Variants in GDPD1 observed in about 807,000 individuals in gnomAD.
The protein encoded by GDPD1 is lysophospholipase D GDPD1.
A neutral mutation model predicts 45.1 loss-of-function variants in GDPD1; 28 were observed. The ratio of observed to expected loss-of-function variants is 0.62; its 90% confidence interval spans 0.46 to 0.85. The LOEUF (loss-of-function observed/expected upper bound fraction) is 0.85, where lower values mean the gene tolerates loss of function less well. GDPD1 is among the 40% of genes least tolerant of loss of function. The probability of loss-of-function intolerance (pLI) is 0.00; values close to 1 mark genes in which losing one functional copy is unlikely to be tolerated. For missense variants in GDPD1, 256 were observed against 364.8 expected (o/e 0.70, Z 2.43); for synonymous variants, 139 against 131.4 (o/e 1.06, Z -0.40).
chr17:59,242,246 A>G (rs539222824), intron 2 of GDPD1, among the ~76,000 whole-genome samples: 2 of 152,172 alleles, frequency 1.3e-5, no homozygotes, highest in Non-Finnish European at 2.9e-5. Flanking sequence ...TATTTTTAGT[A>G]GAGACAGGGT....
intron 1 of GDPD1, among the ~76,000 whole-genome samples, chr17:59,228,717 T>TA (rs879663634): frequency 1.6e-3 from 227 of 140,868 alleles, no homozygotes; most frequent in Middle Eastern, 3.6e-3. Context: ...ACCCTGTCTC[T>TA]AAAAAAAAAA....
At chr17:59,255,705 C>T (rs1260005695) in intron 4 of GDPD1, among the ~76,000 whole-genome samples, 15 of 128,944 alleles carry the variant, frequency 1.2e-4, no homozygotes, top group Non-Finnish European at 2.2e-4. Context: ...ATCGCACTAT[C>T]GCACTCCAGC....
chr17:59,221,785 T>C (rs1188947101), intron 1 of GDPD1, among the ~76,000 whole-genome samples: 1 of 152,214 alleles, frequency 6.6e-6, no homozygotes, highest in Non-Finnish European at 1.5e-5. Flanking sequence ...TTGCTTGAAA[T>C]TTAATACACA....
In GDPD1 at chr17:59,220,593, C is replaced by G; in HGVS notation, c.-17C>G. On this transcript the variant is annotated 5_prime_UTR_variant, in exon 1 of 10. Transcript: ENST00000284116. ...CAGAGGGCCCGGAGGTGGGAGACTTCCCACACGGTGACTGAGATGTCGTCC... is the reference window on the plus strand; with the variant it reads ...CAGAGGGCCCGGAGGTGGGAGACTTGCCACACGGTGACTGAGATGTCGTCC... The G allele has an allele frequency of 6.2e-7, 1 of 1,611,884 alleles. No individual in the cohort carries two copies. Among genetic ancestry groups the G allele is most frequent in the Non-Finnish European group, 8.5e-7 (1 of 1,178,780 alleles).
intron 5 of GDPD1, 114 bp downstream of exon 5, chr17:59,257,354 G>A: frequency 3.2e-6 from 2 of 629,392 alleles, no homozygotes; most frequent in African/African-American, 1.9e-5. Flanking sequence ...GATACCCTAG[G>A]GATCAGCATT....
chr17:59,236,513 T>A (rs2047133088), intron 2 of GDPD1, among the ~76,000 whole-genome samples: 1 of 152,086 alleles, frequency 6.6e-6, no homozygotes. Flanking sequence ...TTTGTTTGTT[T>A]GAGACAGAGT....
intron 2 of GDPD1, among the ~76,000 whole-genome samples, chr17:59,235,484 CT>C (rs2047124590): frequency 1.3e-5 from 2 of 152,028 alleles, no homozygotes; most frequent in South Asian, 2.1e-4. Flanking sequence ...ACTATGATGC[CT>C]TTTGTTTATG....
intron 4 of GDPD1, among the ~76,000 whole-genome samples, chr17:59,254,302 G>A (rs1431396259): frequency 7.3e-5 from 11 of 149,780 alleles, no homozygotes; most frequent in South Asian, 6.3e-4. Context: ...CAGAGGTTGC[G>A]ATGAGCCGAG....
At chr17:59,234,408 G>T (rs1342785772) in intron 1 of GDPD1, 84 bp from the exon 2 acceptor site, 31 of 754,170 alleles carry the variant, frequency 4.1e-5, no homozygotes, top group Non-Finnish European at 5.7e-5. Flanking sequence ...AAAAGGTCAA[G>T]ATTCATTAGG....
intron 2 of GDPD1, among the ~76,000 whole-genome samples, chr17:59,239,305 G>A (rs1013196028): frequency 9.9e-5 from 15 of 152,250 alleles, no homozygotes; most frequent in African/African-American, 3.6e-4. Flanking sequence ...CATTGTTTCT[G>A]TGGAGTTTCT....
At chr17:59,265,195 T>A (rs1182930257) in intron 6 of GDPD1, among the ~76,000 whole-genome samples, 1 of 152,068 alleles carries the variant, frequency 6.6e-6, no homozygotes, top group African/African-American at 2.4e-5. Context: ...AAATATATAT[T>A]ATGTTTTTAT....
chr17:59,248,967 T>G, intron 4 of GDPD1, 182 bp downstream of exon 4: 1 of 459,126 alleles, frequency 2.2e-6, no homozygotes, highest in Non-Finnish European at 3.9e-6. Context: ...AGTGATTCAT[T>G]CTGCTTAAAT....
intron 7 of GDPD1, among the ~76,000 whole-genome samples, chr17:59,268,578 CAAAA>C (rs1176390251): frequency 2.8e-4 from 10 of 35,364 alleles, no homozygotes; most frequent in South Asian, 1.1e-3. Flanking sequence ...GACTCTGTCT[CAAAA>C]AAAAAAAAAA....
rs2047221257 is a variant in GDPD1, at chr17:59,247,503, A to C, written c.322-1237A>C. Among the ~76,000 whole-genome samples the C allele has an allele frequency of 3.3e-5, 5 of 152,264 alleles. No homozygotes were observed. In the South Asian group the frequency reaches 1.0e-3, roughly 32 times the overall value. ...ATTTGGCCTTTCAGATTCCATACTCATCTTTCATAAACATTTCAAATGACT... is the reference window on the plus strand; with the variant it reads ...ATTTGGCCTTTCAGATTCCATACTCCTCTTTCATAAACATTTCAAATGACT... On this transcript the variant is annotated intron_variant, in intron 3 of 9. Coordinates refer to ENST00000284116, the MANE Select transcript of GDPD1 (RefSeq NM_182569.4).
chr17:59,248,692 T>C, intron 3 of GDPD1, 48 bp from the exon 4 acceptor site: 1 of 1,321,020 alleles, frequency 7.6e-7, no homozygotes, highest in Non-Finnish European at 1.1e-6. Context: ...ATAAAAATCT[T>C]ATTATTTTTT....
intron 2 of GDPD1, among the ~76,000 whole-genome samples, chr17:59,239,473 C>T (rs1193177822): frequency 6.6e-6 from 1 of 151,818 alleles, no homozygotes; most frequent in East Asian, 1.9e-4. Context: ...GAAGTAGGTG[C>T]ATGTTGTTAT....
Position 59,248,849 on chromosome 17 carries a change from T to C in GDPD1, c.367+64T>C. On this transcript the variant is annotated intron_variant, in intron 4 of 9. Transcript: ENST00000284116. Reference sequence around the variant, plus strand: ...GAAGCATATGTGTGTTTTCTTGTCATAGTAAGTTCTTACTAAAAGTAACTG... The same window carrying C: ...GAAGCATATGTGTGTTTTCTTGTCACAGTAAGTTCTTACTAAAAGTAACTG... 9 of 1,206,686 alleles carry C rather than the reference T, an allele frequency of 7.5e-6. No homozygotes were observed. The South Asian group carries it at 1.1e-4, about 15-fold the overall frequency. 74.7% of individuals were successfully genotyped at this position (1,206,686 alleles called of 1,614,324 possible). A position where few individuals can be genotyped will look rare whatever the true frequency, so the allele number is the denominator to read the frequency against.
chr17:59,226,903 A>G (rs62083287), intron 1 of GDPD1, among the ~76,000 whole-genome samples: 15,285 of 148,110 alleles, frequency 0.1, 1,028 homozygotes, highest in South Asian at 0.27. Flanking sequence ...CTGGTCTTGA[A>G]CTCCTGACCT....
At chr17:59,234,620 G>A in intron 2 of GDPD1, 86 bp downstream of exon 2, 1 of 878,894 alleles carries the variant, frequency 1.1e-6, no homozygotes, top group East Asian at 2.4e-5. Flanking sequence ...ACAAAGTGAG[G>A]ATAGTGTAAG....
Sources: gnomAD v4.1 joint callset for allele counts (sites outside exome capture counted in the v4.1 genomes callset) on GRCh38, gnomAD v4.1.1 for gene constraint, MANE v1.5 for transcripts, NCBI Gene and HGNC (gene_info 2026-07-23, HGNC 2026-07-21) for gene names.